RIPOR2: variants seen among roughly 807,000 people sequenced by gnomAD.
RIPOR2 encodes the protein RHO family interacting cell polarization regulator 2.
RIPOR2 carries 39 observed loss-of-function variants against 114.5 expected under a neutral mutation model. The observed-to-expected ratio is 0.34, with a 90% CI of 0.26 to 0.44. The LOEUF (loss-of-function observed/expected upper bound fraction) is 0.44. Ranked by LOEUF, RIPOR2 falls within the 20% of genes least tolerant of loss-of-function variation. The probability of loss-of-function intolerance (pLI) is 1.00; values close to 1 mark genes in which losing one functional copy is unlikely to be tolerated. For missense variants in RIPOR2, 1,007 were observed against 1,255.1 expected (o/e 0.80, Z 2.99); for synonymous variants, 445 against 484.4 (o/e 0.92, Z 1.07).
intron 1 of RIPOR2, among the ~76,000 whole-genome samples, chr6:24,887,392 G>A (rs1766932865): frequency 6.6e-6 from 1 of 152,176 alleles, no homozygotes; most frequent in East Asian, 1.9e-4. Context: ...TTTTTTTTAT[G>A]AATAAAATGA....
intron 1 of RIPOR2, among the ~76,000 whole-genome samples, chr6:24,991,518 A>G (rs1022268299): frequency 2.0e-5 from 3 of 152,196 alleles, no homozygotes; most frequent in Non-Finnish European, 4.4e-5. Context: ...AACTGCTATG[A>G]TTATGTCCCC....
At chr6:24,984,902 C>T (rs1774470475) in intron 1 of RIPOR2, among the ~76,000 whole-genome samples, 1 of 152,172 alleles carries the variant, frequency 6.6e-6, no homozygotes, top group South Asian at 2.1e-4. Context: ...GTTGAGGTTC[C>T]TCTTGGTGTT....
intron 1 of RIPOR2, among the ~76,000 whole-genome samples, chr6:24,992,977 T>A (rs979632191): frequency 2.0e-5 from 3 of 152,222 alleles, no homozygotes; most frequent in African/African-American, 7.2e-5. Context: ...TTGTAAAACA[T>A]CTGCAATAAG....
chr6:24,907,044 C>T (rs1013453221), intron 1 of RIPOR2, among the ~76,000 whole-genome samples: 3 of 152,176 alleles, frequency 2.0e-5, no homozygotes, highest in African/African-American at 7.2e-5. Context: ...GGGATTCTCC[C>T]AAATTATATA....
chr6:24,961,087 A>G (rs1195678102), intron 1 of RIPOR2, among the ~76,000 whole-genome samples: 1 of 152,240 alleles, frequency 6.6e-6, no homozygotes, highest in Non-Finnish European at 1.5e-5. Context: ...ACAAAGAACC[A>G]TAAGGCAAAC....
chr6:24,915,176 A>T (rs1005303877), intron 1 of RIPOR2, among the ~76,000 whole-genome samples: 1 of 152,090 alleles, frequency 6.6e-6, no homozygotes, highest in Non-Finnish European at 1.5e-5. Flanking sequence ...TACTCTTATG[A>T]CCTTTCTGTA....
intron 1 of RIPOR2, among the ~76,000 whole-genome samples, chr6:24,902,616 G>C (rs566967548): frequency 1.2e-4 from 19 of 152,300 alleles, no homozygotes; most frequent in South Asian, 6.2e-4. Flanking sequence ...CATTGAGACA[G>C]CTCTGCTTTG....
chr6:24,872,904 C>A lies in RIPOR2; in HGVS notation c.400G>T (p.Asp134Tyr). 1.2e-6 allele frequency: 2 copies of A among 1,611,840 alleles called. No individual in the cohort carries two copies. Among genetic ancestry groups the A allele is most frequent in the Non-Finnish European group, 1.7e-6 (2 of 1,178,364 alleles). Residue 134 changes from aspartate to tyrosine, a missense_variant, in exon 4 of 22, where the codon GAT becomes TAT. Physicochemically the swap from Asp to Tyr is radical, Grantham distance 160. Transcript: ENST00000643898. The stretch of plus-strand genomic sequence containing the variant: ...ACCAGGCGAGAGTTTCTTTTCATAT[C>A]TTTTAACTGAGCTGTCAACTTGTCC... Reference protein sequence around the residue: ...ELDKLTAQLKDMKRNSRLGVL... With the variant: ...ELDKLTAQLKYMKRNSRLGVL...
At chr6:24,853,296 G>T (rs1383485698) in intron 8 of RIPOR2, among the ~76,000 whole-genome samples, 1 of 152,204 alleles carries the variant, frequency 6.6e-6, no homozygotes, top group Non-Finnish European at 1.5e-5. Context: ...AACTGGATCT[G>T]CTCGATTCGA....
chr6:25,027,726 C>T (rs574150755), intron 1 of RIPOR2, among the ~76,000 whole-genome samples: 2 of 152,234 alleles, frequency 1.3e-5, no homozygotes, highest in African/African-American at 4.8e-5. Context: ...CTGCCCCACC[C>T]TCTTCTCTAC....
chr6:24,866,337 A>T (rs1764596627), intron 6 of RIPOR2, among the ~76,000 whole-genome samples: 1 of 152,180 alleles, frequency 6.6e-6, no homozygotes, highest in Admixed American at 6.5e-5. Context: ...TATAAGCCTG[A>T]TAATCAGCTA....
At chr6:24,857,099 T>C (rs1763545306) in intron 8 of RIPOR2, among the ~76,000 whole-genome samples, 1 of 152,172 alleles carries the variant, frequency 6.6e-6, no homozygotes, top group South Asian at 2.1e-4. Context: ...CAAACAGCTT[T>C]TGTGCCGTGC....
chr6:25,015,993 T>C (rs908665448), intron 1 of RIPOR2, among the ~76,000 whole-genome samples: 3 of 136,582 alleles, frequency 2.2e-5, no homozygotes, highest in Non-Finnish European at 4.6e-5. Context: ...AACCTCCACC[T>C]CCTGGGTTCA....
chr6:24,910,211 C>A (rs1201568979), intron 1 of RIPOR2, among the ~76,000 whole-genome samples: 1 of 152,162 alleles, frequency 6.6e-6, no homozygotes, highest in African/African-American at 2.4e-5. Context: ...GGCATCAAAG[C>A]AACACATTTT....
chr6:25,015,422 G>A (rs1775925115), intron 1 of RIPOR2: 1 of 152,172 alleles, frequency 6.6e-6, no homozygotes, highest in East Asian at 1.9e-4. Context: ...AAACCTTTTC[G>A]ACAGGATGGG....
chr6:25,022,596 C>T (rs1015023374), intron 1 of RIPOR2, among the ~76,000 whole-genome samples: 2 of 95,426 alleles, frequency 2.1e-5, no homozygotes, highest in Non-Finnish European at 4.0e-5. Context: ...GTCACCCAGG[C>T]TGGAGTGGGT....
At chr6:25,042,031 T>G (rs1490281183), upstream of RIPOR2, 1 of 481,988 alleles carries the variant, frequency 2.1e-6, no homozygotes, top group Non-Finnish European at 3.6e-6. Context: ...AAAAGAAAAC[T>G]TAACCCCCCC....
At chr6:24,967,909 C>T (rs886521201) in intron 1 of RIPOR2, among the ~76,000 whole-genome samples, 6 of 123,514 alleles carry the variant, frequency 4.9e-5, no homozygotes, top group African/African-American at 1.9e-4. Flanking sequence ...AGATCTCAAT[C>T]TTTTTTTTTT....
At chr6:24,904,400 T>G (rs149385731) in intron 1 of RIPOR2, among the ~76,000 whole-genome samples, 7 of 152,344 alleles carry the variant, frequency 4.6e-5, no homozygotes, top group Non-Finnish European at 8.8e-5. Context: ...CTTTCTATCT[T>G]TCTTCCATAG....
Sources: allele counts gnomAD v4.1 joint callset (sites outside exome capture counted in the v4.1 genomes callset), GRCh38; gene constraint gnomAD v4.1.1; transcripts MANE v1.5; gene names NCBI Gene and HGNC (gene_info 2026-07-23, HGNC 2026-07-21).